The following KDM2B variants were observed in gnomAD, a reference collection of about 807,000 sequenced individuals.
The protein encoded by KDM2B is lysine-specific demethylase 2B.
A neutral mutation model predicts 150.0 loss-of-function variants in KDM2B; 26 were observed. The observed-to-expected ratio is 0.17, with a 90% CI of 0.13 to 0.24. KDM2B has a LOEUF of 0.24. Among genes scored for constraint, KDM2B ranks in the 10% least tolerant of loss-of-function variants. The probability of loss-of-function intolerance (pLI) is 1.00; values close to 1 mark genes in which losing one functional copy is unlikely to be tolerated. For synonymous variants in KDM2B, 734 were observed against 729.5 expected, an observed-to-expected ratio of 1.01 and a Z score of -0.10; for missense variants, 1,265 against 1,816.9, an observed-to-expected ratio of 0.70 and a Z score of 5.52.
chr12:121,516,080 G>A (rs1262871562), intron 9 of KDM2B, among the ~76,000 whole-genome samples: 2 of 152,110 alleles, frequency 1.3e-5, no homozygotes, highest in African/African-American at 4.8e-5. Context: ...CTCTATTCAA[G>A]AGAAACGGAC....
chr12:121,503,037 G>A (rs144123303), intron 11 of KDM2B, among the ~76,000 whole-genome samples: 2,048 of 149,814 alleles, frequency 0.014, 47 homozygotes, highest in African/African-American at 0.048. Context: ...GGGTGCAATG[G>A]CGCAATCTCA....
intron 1 of KDM2B, chr12:121,579,932 C>G (rs1891822515): frequency 2.1e-6 from 3 of 1,414,288 alleles, no homozygotes; most frequent in South Asian, 1.5e-5. Flanking sequence ...GAAAAGGCAG[C>G]GAGAAACAAC....
chr12:121,474,236 G>A (rs1881088966), intron 12 of KDM2B, among the ~76,000 whole-genome samples: 1 of 152,152 alleles, frequency 6.6e-6, no homozygotes. Flanking sequence ...AGGTACGGCC[G>A]GGCACGGTGG....
At chr12:121,571,030 A>G (rs1891050541) in intron 4 of KDM2B, among the ~76,000 whole-genome samples, 1 of 152,236 alleles carries the variant, frequency 6.6e-6, no homozygotes, top group South Asian at 2.1e-4. Flanking sequence ...GTACTGCCTC[A>G]TGCTGCAACA....
At chr12:121,438,253 CAAAA>C (rs35874014) in intron 22 of KDM2B, among the ~76,000 whole-genome samples, 1 of 97,168 alleles carries the variant, frequency 1.0e-5, no homozygotes, top group African/African-American at 3.3e-5. Context: ...GGCTCCATCT[CAAAA>C]AAAAAAAAAA....
rs782650251 is a variant in KDM2B at position 121,440,082 on chromosome 12, G to C, written c.3611-7C>G. ...CTCCGATTGTCCATCTGACCTGGTG[G>C]GGCAGGAAGGAGGGGGCAACCCGTC... On this transcript the variant is annotated splice_region_variant and splice_polypyrimidine_tract_variant and intron_variant, in intron 21 of 22. Coordinates refer to ENST00000377071, the MANE Select transcript of KDM2B (RefSeq NM_032590.5). 4 of 1,589,298 alleles carry C rather than the reference G, an allele frequency of 2.5e-6. No homozygotes were observed. In the East Asian group the frequency reaches 9.1e-5, roughly 36 times the overall value.
intron 4 of KDM2B, among the ~76,000 whole-genome samples, chr12:121,559,481 C>T (rs1301610186): frequency 2.0e-5 from 3 of 152,158 alleles, no homozygotes; most frequent in Non-Finnish European, 4.4e-5. Context: ...GGGTCCAGCC[C>T]CCACGGGGCA....
chr12:121,438,386 G>A (rs553306855), intron 22 of KDM2B, among the ~76,000 whole-genome samples: 4 of 152,212 alleles, frequency 2.6e-5, no homozygotes, highest in East Asian at 3.9e-4. Context: ...ACACCGCAGG[G>A]GAGGGAATTT....
At position 121,520,923 on chromosome 12, in the gene KDM2B, C is replaced by A; in HGVS notation, c.1047+62G>T. The A allele has an allele frequency of 1.6e-6, 2 of 1,289,242 alleles. 1 individual carries two copies. Among genetic ancestry groups the A allele is most frequent in the Admixed American group, 3.4e-5 (2 of 58,526 alleles). 79.9% of individuals were successfully genotyped at this position (1,289,242 alleles called of 1,614,324 possible). On this transcript the variant is annotated intron_variant, in intron 9 of 22. Coordinates refer to ENST00000377071, the MANE Select transcript of KDM2B (RefSeq NM_032590.5). This position sits in a 1 kb window ranked among gnomAD's most constrained non-coding sequence, Gnocchi z 4.5. Reference sequence around the variant, plus strand: ...ACTTCAGTATGACCTGTCCCACACACCGAGCACCGGCAGAGCTCAGGGGCC... The same window carrying A: ...ACTTCAGTATGACCTGTCCCACACAACGAGCACCGGCAGAGCTCAGGGGCC...
intron 4 of KDM2B, among the ~76,000 whole-genome samples, chr12:121,568,011 G>C (rs1264297709): frequency 6.6e-6 from 1 of 152,124 alleles, no homozygotes; most frequent in Non-Finnish European, 1.5e-5. Flanking sequence ...TTACAGGCGT[G>C]AGCCACTGCG....
chr12:121,412,433 T>C, the KDM2B span, among the ~76,000 whole-genome samples: 15 of 151,582 alleles, frequency 9.9e-5, no homozygotes, highest in African/African-American at 3.6e-4. Context: ...TTAGTAGAGA[T>C]GGGGTTTCAC....
intron 2 of KDM2B, among the ~76,000 whole-genome samples, chr12:121,576,224 C>A (rs564933972): frequency 6.6e-6 from 1 of 152,116 alleles, no homozygotes; most frequent in East Asian, 1.9e-4. Flanking sequence ...GACAGAGACA[C>A]GCATCCCAAG....
intron 12 of KDM2B, among the ~76,000 whole-genome samples, chr12:121,477,184 C>T (rs559736831): frequency 1.3e-5 from 2 of 152,174 alleles, no homozygotes; most frequent in South Asian, 4.1e-4. Context: ...AGCAATCCCC[C>T]CATCTCATCC....
chr12:121,494,149 G>A (rs782727039), intron 12 of KDM2B: 3 of 169,158 alleles, frequency 1.8e-5, no homozygotes, highest in Non-Finnish European at 2.6e-5. Flanking sequence ...GAGCCACCGC[G>A]CTCGACCGAT....
In KDM2B at chr12:121,453,026, G is replaced by T; in HGVS notation, c.1959+94C>A. The T allele has an allele frequency of 8.7e-7, 1 of 1,151,252 alleles. No individual in the cohort carries two copies. Among genetic ancestry groups the T allele is most frequent in the Non-Finnish European group, 1.2e-6 (1 of 830,916 alleles). The allele number at this position is 1,151,252 out of a possible 1,614,324, so 71.3% of individuals were successfully genotyped here. ...GTCCACAGCCCCGGCTTCTCTGTGT[G>T]CGGAGGGGCGGCCAGAGCGAGCAGC... On this transcript the variant is annotated intron_variant, in intron 13 of 22. Transcript: ENST00000377071. This position sits in a 1 kb window ranked among gnomAD's most constrained non-coding sequence, Gnocchi z 6.4.
At chr12:121,426,447 C>A (rs1277425641), downstream of KDM2B, among the ~76,000 whole-genome samples, 2 of 143,024 alleles carry the variant, frequency 1.4e-5, no homozygotes, top group East Asian at 4.6e-4. Flanking sequence ...TACCCCCTCC[C>A]CCCCCTTTTT....
intron 12 of KDM2B, among the ~76,000 whole-genome samples, chr12:121,457,996 A>G (rs1021677570): frequency 6.6e-6 from 1 of 152,224 alleles, no homozygotes; most frequent in Non-Finnish European, 1.5e-5. Context: ...ATTAAAGGAA[A>G]GACATCCGTG....
chr12:121,515,028 C>T (rs113139044), intron 9 of KDM2B, among the ~76,000 whole-genome samples: 4 of 3,592 alleles, frequency 1.1e-3, no homozygotes, highest in Admixed American at 3.0e-3. Context: ...ACACTCCCCA[C>T]CCCCTCTAAT....
At chr12:121,438,793 G>A (rs1874443729) in intron 22 of KDM2B, among the ~76,000 whole-genome samples, 1 of 151,242 alleles carries the variant, frequency 6.6e-6, no homozygotes, top group Non-Finnish European at 1.5e-5. Flanking sequence ...AATTTGATGA[G>A]ATGGGGATGT....
Sources: gnomAD v4.1 joint callset for allele counts (sites outside exome capture counted in the v4.1 genomes callset) on GRCh38, gnomAD v4.1.1 for gene constraint, Gnocchi (gnomAD v3.1) non-coding constraint, MANE v1.5 for transcripts, NCBI Gene and HGNC (gene_info 2026-07-23, HGNC 2026-07-21) for gene names.